IL6: variants seen among roughly 807,000 people sequenced by gnomAD.
IL6 encodes the protein interleukin-6.
IL6 carries 5 observed loss-of-function variants against 18.0 expected under a neutral mutation model. That is an observed-to-expected ratio of 0.28 (90% CI 0.15 to 0.58). IL6 has a LOEUF of 0.58. IL6 is among the 20% of genes least tolerant of loss of function. The pLI is 0.90. For synonymous variants in IL6, 97 were observed against 95.1 expected (o/e 1.02, Z -0.12); for missense variants, 266 against 251.0 (o/e 1.06, Z -0.40).
chr7:22,729,944 G>A, intron 4 of IL6: 1 of 1,358,176 alleles, frequency 7.4e-7, no homozygotes, highest in Non-Finnish European at 9.4e-7. Context: ...TAAAACCAAA[G>A]GCGGGGGGGC....
In IL6 at chr7:22,728,820, G is replaced by C. The variant is rs200211722; in HGVS notation, c.324+14G>C. On this transcript the variant is annotated intron_variant, in intron 3 of 4. Coordinates refer to ENST00000258743, the MANE Select transcript of IL6 (RefSeq NM_000600.5). ...GGATTCAATGAGGTACCAACTTGTC[G>C]CACTCACTTTTCACTATTCCTTAGG... The C allele has an allele frequency of 1.4e-6, 2 of 1,468,228 alleles. No homozygotes were observed. Among genetic ancestry groups the C allele is most frequent in the South Asian group, 2.3e-5 (2 of 88,074 alleles). The allele number at this position is 1,468,228 out of a possible 1,614,324, so 91.0% of individuals were successfully genotyped here. A position where few individuals can be genotyped will look rare whatever the true frequency, so the allele number is the denominator to read the frequency against.
At chr7:22,727,324 T>G (rs199719913) in intron 1 of IL6, 43 bp downstream of exon 1, 2 of 1,613,824 alleles carry the variant, frequency 1.2e-6, no homozygotes, top group Non-Finnish European at 1.7e-6. Flanking sequence ...CCAGCGGCGG[T>G]CGAGCCCTGT....
At chr7:22,730,533 T>C (rs1784107133) in intron 4 of IL6, among the ~76,000 whole-genome samples, 1 of 152,160 alleles carries the variant, frequency 6.6e-6, no homozygotes, top group African/African-American at 2.4e-5. Context: ...CACCACCGGA[T>C]CAGTGGTCTT....
Position 22,731,450 on chromosome 7 carries a change from T to G in IL6, c.516T>G (p.Asn172Lys). ...TAACCACCCCTGACCCAACCACAAA[T>G]GCCAGCCTGCTGACGAAGCTGCAGG... ...DAITTPDPTT[N>K]ASLLTKLQAQ... The change falls in exon 5 of 5, where the codon AAT becomes AAG. Residue 172 changes from asparagine to lysine, a missense_variant. Transcript: ENST00000258743. 1 of 1,606,704 alleles carries G rather than the reference T, an allele frequency of 6.2e-7. No individual in the cohort carries two copies. The highest frequency in any genetic ancestry group is 8.5e-7 in the Non-Finnish European group (1 of 1,174,726).
intron 2 of IL6, 72 bp downstream of exon 2, chr7:22,727,706 G>C (rs2069858): frequency 6.7e-7 from 1 of 1,499,920 alleles, no homozygotes; most frequent in Non-Finnish European, 8.9e-7. Flanking sequence ...GTGTGGCCGG[G>C]GGCTGCCTGC....
intron 4 of IL6, chr7:22,730,154 G>A: frequency 1.0e-6 from 1 of 985,342 alleles, no homozygotes; most frequent in Non-Finnish European, 1.2e-6. Context: ...AGGTACCAAA[G>A]GCTTTGGCCA....
intron 4 of IL6, 45 bp downstream of exon 4, chr7:22,729,705 G>A (rs199600878): frequency 6.2e-7 from 1 of 1,613,842 alleles, no homozygotes; most frequent in Non-Finnish European, 8.5e-7. Flanking sequence ...GGGAAGACAG[G>A]CTCAAAGACA....
chr7:22,728,284 T>C (rs994924651), intron 2 of IL6, among the ~76,000 whole-genome samples: 22 of 152,104 alleles, frequency 1.4e-4, no homozygotes, highest in African/African-American at 4.8e-4. Flanking sequence ...ATCAGTAAAA[T>C]TGGGCGTGGA....
Position 22,731,425 on chromosome 7 carries a change from T to C in IL6, c.491T>C (p.Ile164Thr). 1 of 1,575,544 alleles carries C rather than the reference T, an allele frequency of 6.3e-7. No homozygotes were observed. The highest frequency in any genetic ancestry group is 1.1e-5 in the South Asian group (1 of 87,180). ...CTTCAGGCAAAGAATCTAGATGCAA[T>C]AACCACCCCTGACCCAACCACAAAT... ...LQKKAKNLDAITTPDPTTNAS... is the reference protein window; with the variant it reads ...LQKKAKNLDATTTPDPTTNAS... Residue 164 changes from isoleucine (I) to threonine (T), a missense_variant, in exon 5 of 5, where the codon ATA becomes ACA. By Grantham distance (89) the Ile-to-Thr change is moderately conservative (BLOSUM62 -1). Coordinates refer to ENST00000258743, the MANE Select transcript of IL6 (RefSeq NM_000600.5).
rs944349967 is a variant in IL6 at position 22,729,908 on chromosome 7, A to T, written c.471+248A>T. 251 of 1,418,162 alleles carry T rather than the reference A, an allele frequency of 1.8e-4. 1 individual carries two copies. The African/African-American group carries it at 3.4e-3, about 19-fold the overall frequency. The allele number at this position is 1,418,162 out of a possible 1,614,324, so 87.8% of individuals were successfully genotyped here. A position where few individuals can be genotyped will look rare whatever the true frequency, so the allele number is the denominator to read the frequency against. ...TATATTAACTGAGGTGGATTTTAAC[A>T]TCAATTTTTAATAGTGCAAGAGATT... is the stretch of plus-strand genomic sequence containing the variant. On this transcript the variant is annotated intron_variant, in intron 4 of 4. Transcript: ENST00000258743.
Position 22,731,562 on chromosome 7 carries a change from C to T in IL6, c.628C>T (p.Arg210Trp), listed in dbSNP as rs1488521608. 6.3e-7 allele frequency: 1 copy of T among 1,598,530 alleles called. No individual in the cohort carries two copies. Among genetic ancestry groups the T allele is most frequent in the Non-Finnish European group, 8.6e-7 (1 of 1,169,252 alleles). Reference sequence around the variant, plus strand: ...CCTGCAGTCCAGCCTGAGGGCTCTTCGGCAAATGTAGCATGGGCACCTCAG... The same window carrying T: ...CCTGCAGTCCAGCCTGAGGGCTCTTTGGCAAATGTAGCATGGGCACCTCAG... ...EFLQSSLRAL[R>W]QM The change falls in exon 5 of 5, where the codon CGG (arginine) becomes TGG (tryptophan). Residue 210 changes from arginine (R) to tryptophan (W), a missense_variant. By Grantham distance (101) the Arg-to-Trp change is moderately radical. Transcript: ENST00000258743.
At chr7:22,730,054 T>C in intron 4 of IL6, 2 of 985,362 alleles carry the variant, frequency 2.0e-6, no homozygotes, top group Non-Finnish European at 2.4e-6. Context: ...CCAAGTGACA[T>C]TCTTCTCACT....
intron 4 of IL6, chr7:22,730,195 T>G: frequency 1.0e-6 from 1 of 985,046 alleles, no homozygotes; most frequent in Non-Finnish European, 1.2e-6. Flanking sequence ...CAGCAGGGAG[T>G]AGACTTGCTG....
intron 4 of IL6, 44 bp downstream of exon 4, chr7:22,729,704 G>C (rs764836798): frequency 1.2e-6 from 2 of 1,613,896 alleles, no homozygotes; most frequent in Non-Finnish European, 1.7e-6. Context: ...GGGGAAGACA[G>C]GCTCAAAGAC....
At position 22,729,673 on chromosome 7, in the gene IL6, T is replaced by C. The variant is rs1784087677; in HGVS notation, c.471+13T>C. On this transcript the variant is annotated intron_variant, in intron 4 of 4. Transcript: ENST00000258743. ...CCTGCAGAAAAAGGTGGGTGTGTCC[T>C]CATTCCCTCAACTTGGTGTGGGGGA... The C allele has an allele frequency of 6.2e-7, 1 of 1,614,168 alleles. No individual in the cohort carries two copies. Among genetic ancestry groups the C allele is most frequent in the South Asian group, 1.1e-5 (1 of 91,076 alleles).
chr7:22,731,807 T>A lies in IL6; in HGVS notation c.*234T>A, dbSNP rs1364760224. ...CACTTGAAACATTTTATGTATTAGT[T>A]TTGAAATAATAATGGAAAGTGGCTA... On this transcript the variant is annotated 3_prime_UTR_variant, in exon 5 of 5. Transcript: ENST00000258743. 1 of 229,740 alleles carries A rather than the reference T, an allele frequency of 4.4e-6. No homozygotes were observed. The highest frequency in any genetic ancestry group is 2.3e-5 in the African/African-American group (1 of 43,974). 14.2% of individuals were successfully genotyped at this position (229,740 alleles called of 1,614,324 possible).
intron 4 of IL6, chr7:22,729,912 A>T: frequency 7.1e-7 from 1 of 1,414,128 alleles, no homozygotes; most frequent in Non-Finnish European, 9.2e-7. Flanking sequence ...TTTAACATCA[A>T]TTTTTAATAG....
chr7:22,729,178 G>C (rs572195162), intron 3 of IL6, among the ~76,000 whole-genome samples: 1 of 152,076 alleles, frequency 6.6e-6, no homozygotes, highest in Admixed American at 6.5e-5. Context: ...GAGATAACCT[G>C]CACTGTCTTC....
intron 2 of IL6, chr7:22,728,435 C>A: frequency 2.2e-6 from 1 of 454,048 alleles, no homozygotes; most frequent in Non-Finnish European, 4.0e-6. Context: ...ATCTTCAAAA[C>A]AAATTTGCAA....
Sources: gnomAD v4.1 joint callset for allele counts (sites outside exome capture counted in the v4.1 genomes callset) on GRCh38, gnomAD v4.1.1 for gene constraint, MANE v1.5 for transcripts, NCBI Gene and HGNC (gene_info 2026-07-23, HGNC 2026-07-21) for gene names.